CHRNA7: variants seen among roughly 807,000 people sequenced by gnomAD.
The protein encoded by CHRNA7 is cholinergic receptor nicotinic alpha 7 subunit.
In CHRNA7, 17 loss-of-function variants were observed where a neutral mutation model predicts 48.0. The observed-to-expected ratio is 0.35, with a 90% CI of 0.24 to 0.53. The LOEUF is 0.53. Ranked by LOEUF, CHRNA7 falls within the 20% of genes least tolerant of loss-of-function variation. CHRNA7 has a pLI of 0.92. For missense variants in CHRNA7, 155 were observed against 577.7 expected (o/e 0.27, Z 7.50); for synonymous variants, 75 against 242.3 (o/e 0.31, Z 6.41).
intron 2 of CHRNA7, among the ~76,000 whole-genome samples, chr15:32,081,039 C>T (rs566222853): frequency 3.2e-4 from 48 of 152,288 alleles, no homozygotes; most frequent in African/African-American, 1.2e-3. Flanking sequence ...AATGCAGGAA[C>T]AGAAAAGCAA....
chr15:32,049,731 C>G (rs958921890), intron 2 of CHRNA7, among the ~76,000 whole-genome samples: 2 of 152,186 alleles, frequency 1.3e-5, no homozygotes, highest in African/African-American at 4.8e-5. Context: ...GATGCAGTTT[C>G]TTCCTAGTCT....
chr15:32,035,811 C>CAAAA (rs2141162416), intron 2 of CHRNA7, among the ~76,000 whole-genome samples: 1 of 152,228 alleles, frequency 6.6e-6, no homozygotes, highest in African/African-American at 2.4e-5. Context: ...GCAGTTTTAG[C>CAAAA]TTCACAGCAA....
intron 4 of CHRNA7, among the ~76,000 whole-genome samples, chr15:32,128,220 G>T (rs1243767891): frequency 6.6e-6 from 1 of 151,972 alleles, no homozygotes; most frequent in Non-Finnish European, 1.5e-5. Flanking sequence ...TTAACATTGA[G>T]TAGAGTGTTT....
At chr15:32,094,986 C>G (rs775552825) in intron 2 of CHRNA7, among the ~76,000 whole-genome samples, 28 of 152,246 alleles carry the variant, frequency 1.8e-4, no homozygotes, top group Non-Finnish European at 3.5e-4. Flanking sequence ...TCAGTCCTTG[C>G]AGCATGCTGC....
intron 4 of CHRNA7, among the ~76,000 whole-genome samples, chr15:32,130,953 A>G (rs909330403): frequency 2.0e-5 from 3 of 151,968 alleles, no homozygotes; most frequent in Non-Finnish European, 4.4e-5. Context: ...TTGAGTGTAC[A>G]GTAAGTTATT....
At chr15:32,151,005 T>C (rs1205986946) in intron 4 of CHRNA7, among the ~76,000 whole-genome samples, 1 of 152,098 alleles carries the variant, frequency 6.6e-6, no homozygotes, top group African/African-American at 2.4e-5. Context: ...CCTCTCTCCT[T>C]TCTCTCAGTC....
At chr15:32,131,397 C>T (rs1164821281) in intron 4 of CHRNA7, among the ~76,000 whole-genome samples, 1 of 151,738 alleles carries the variant, frequency 6.6e-6, no homozygotes, top group African/African-American at 2.4e-5. Flanking sequence ...CTTTGTTGCT[C>T]CGATTGCATA....
intron 3 of CHRNA7, among the ~76,000 whole-genome samples, chr15:32,111,018 C>G (rs556566543): frequency 6.6e-6 from 1 of 152,272 alleles, no homozygotes; most frequent in East Asian, 1.9e-4. Context: ...GGTTATGTGG[C>G]AGCTGCAGGT....
chr15:32,031,664 G>A (rs964531494), intron 2 of CHRNA7, among the ~76,000 whole-genome samples: 1 of 152,226 alleles, frequency 6.6e-6, no homozygotes, highest in Non-Finnish European at 1.5e-5. Context: ...GTCCCTCCAG[G>A]CAGCTGCCAT....
At chr15:32,088,858 G>A (rs548944874) in intron 2 of CHRNA7, among the ~76,000 whole-genome samples, 1 of 152,126 alleles carries the variant, frequency 6.6e-6, no homozygotes, top group South Asian at 2.1e-4. Flanking sequence ...TTGTATCCCA[G>A]TCTGTAGTTT....
In CHRNA7 at chr15:32,046,239, G is replaced by A. The variant is rs543292017; in HGVS notation, c.195+15202G>A. ...TCTAGTTCTAGATCCCTGAGGAATCGCCACACTGACTTCCACAATGGTTGA... is the reference window on the plus strand; with the variant it reads ...TCTAGTTCTAGATCCCTGAGGAATCACCACACTGACTTCCACAATGGTTGA... On this transcript the variant is annotated intron_variant, in intron 2 of 9. Coordinates refer to ENST00000306901, the MANE Select transcript of CHRNA7 (RefSeq NM_000746.6). Among the ~76,000 whole-genome samples, 718 of 150,474 alleles carry A rather than the reference G, an allele frequency of 4.8e-3. 13 individuals carry two copies. Among genetic ancestry groups the A allele is most frequent in the Admixed American group, 0.039 (593 of 15,108 alleles).
chr15:32,116,250 C>T (rs990087012), intron 4 of CHRNA7, among the ~76,000 whole-genome samples: 13 of 152,172 alleles, frequency 8.5e-5, no homozygotes, highest in African/African-American at 2.7e-4. Context: ...ACTCTATTCT[C>T]GTTTGATATT....
intron 1 of CHRNA7, 109 bp downstream of exon 1, chr15:32,030,758 G>A (rs756815418): frequency 1.3e-6 from 2 of 1,512,340 alleles, no homozygotes; most frequent in Non-Finnish European, 1.8e-6. Context: ...CCCCGCCGCC[G>A]GGGAGGGGCA....
intron 4 of CHRNA7, chr15:32,153,312 C>T (rs961429875): frequency 6.7e-6 from 1 of 150,232 alleles, no homozygotes; most frequent in African/African-American, 2.5e-5. Flanking sequence ...GTCCCAGCTA[C>T]TCGGGAAGCT....
intron 4 of CHRNA7, among the ~76,000 whole-genome samples, chr15:32,133,625 A>G (rs2051194383): frequency 6.6e-6 from 1 of 152,210 alleles, no homozygotes; most frequent in Admixed American, 6.5e-5. Context: ...GTGCAAGACG[A>G]TGAAAAAGAA....
chr15:32,112,035 G>T (rs570180270), intron 4 of CHRNA7, 136 bp downstream of exon 4: 2 of 677,230 alleles, frequency 3.0e-6, no homozygotes, highest in Non-Finnish European at 5.3e-6. Context: ...ACGGCTTTCC[G>T]AGCGGCCAGG....
intron 4 of CHRNA7, among the ~76,000 whole-genome samples, chr15:32,153,051 C>T (rs578127695): frequency 6.6e-6 from 1 of 152,226 alleles, no homozygotes; most frequent in East Asian, 1.9e-4. Context: ...TTCTTTTCAT[C>T]GCTAACTGTG....
At chr15:32,058,928 T>C (rs1409031512) in intron 2 of CHRNA7, among the ~76,000 whole-genome samples, 1 of 152,202 alleles carries the variant, frequency 6.6e-6, no homozygotes, top group African/African-American at 2.4e-5. Flanking sequence ...TTGATGATCA[T>C]GTGAAATGGT....
intron 2 of CHRNA7, among the ~76,000 whole-genome samples, chr15:32,047,930 A>T (rs373041754): frequency 3.3e-5 from 5 of 152,222 alleles, no homozygotes; most frequent in South Asian, 2.1e-4. Context: ...TGAGATAATC[A>T]TGTGGTTTTT....
Sources: gnomAD v4.1 joint callset for allele counts (sites outside exome capture counted in the v4.1 genomes callset) on GRCh38, gnomAD v4.1.1 for gene constraint, MANE v1.5 for transcripts, NCBI Gene and HGNC (gene_info 2026-07-23, HGNC 2026-07-21) for gene names.